The following CNOT6 variants were observed in gnomAD, a reference collection of about 807,000 sequenced individuals.
CNOT6 encodes carbon catabolite repression 4 protein.
In CNOT6, 12 loss-of-function variants were observed where a neutral mutation model predicts 61.2. The observed-to-expected ratio is 0.20, with a 90% CI of 0.13 to 0.32. The LOEUF (loss-of-function observed/expected upper bound fraction) is 0.32. Among genes scored for constraint, CNOT6 ranks in the 10% least tolerant of loss-of-function variants. CNOT6 has a pLI of 1.00. For missense variants in CNOT6, 405 were observed against 663.9 expected (o/e 0.61, Z 4.28); for synonymous variants, 225 against 240.6 (o/e 0.94, Z 0.60).
intron 4 of CNOT6, among the ~76,000 whole-genome samples, chr5:180,560,978 CAA>C (rs920337025): frequency 5.3e-4 from 80 of 152,180 alleles, no homozygotes; most frequent in African/African-American, 1.7e-3. Context: ...ATCAGTCAAT[CAA>C]GAGACGAGGT....
chr5:180,548,125 A>G (rs1759407721), intron 2 of CNOT6, among the ~76,000 whole-genome samples: 1 of 152,168 alleles, frequency 6.6e-6, no homozygotes, highest in East Asian at 1.9e-4. Context: ...TTGAGATACA[A>G]TTCACACACT....
intron 1 of CNOT6, among the ~76,000 whole-genome samples, chr5:180,514,409 G>A (rs72811158): frequency 0.019 from 2,876 of 152,308 alleles, 37 homozygotes; most frequent in Non-Finnish European, 0.027. Context: ...GCGAAAGAGC[G>A]AAACTCCATC....
rs1274517197 is a variant in CNOT6 at position 180,571,396 on chromosome 5, C to T, written c.1425C>T (p.Gly475=). Residue 475 remains glycine (G), a synonymous_variant, in exon 11 of 12, where the codon GGC becomes GGT. Coordinates refer to ENST00000261951, the MANE Select transcript of CNOT6 (RefSeq NM_001370472.1). ...AGTTACAGAGTGCCTATGAGAGTGGCCTGATGCCTTACACGAATTACACAT... is the reference window on the plus strand; with the variant it reads ...AGTTACAGAGTGCCTATGAGAGTGGTCTGATGCCTTACACGAATTACACAT... ...GFKLQSAYES[G]LMPYTNYTFD... 2 of 1,614,072 alleles carry T rather than the reference C, an allele frequency of 1.2e-6. No individual in the cohort carries two copies. Among genetic ancestry groups the T allele is most frequent in the Non-Finnish European group, 1.7e-6 (2 of 1,179,954 alleles).
chr5:180,532,979 A>G (rs62405531), intron 2 of CNOT6, among the ~76,000 whole-genome samples: 38,018 of 152,204 alleles, frequency 0.25, 5,819 homozygotes, highest in Middle Eastern at 0.41. Context: ...GCATTCAGCT[A>G]TCTGGAAGCT....
intron 2 of CNOT6, among the ~76,000 whole-genome samples, chr5:180,530,982 G>GT (rs1195175639): frequency 6.6e-6 from 1 of 152,242 alleles, no homozygotes; most frequent in Non-Finnish European, 1.5e-5. Flanking sequence ...CACAGACACA[G>GT]TAACAATCTG....
intron 1 of CNOT6, among the ~76,000 whole-genome samples, chr5:180,505,457 C>T (rs1757090394): frequency 6.7e-6 from 1 of 150,022 alleles, no homozygotes; most frequent in Non-Finnish European, 1.5e-5. Flanking sequence ...CGGGGTTTCA[C>T]TGTGTAGCCA....
chr5:180,531,418 C>T (rs1016647188), intron 2 of CNOT6, among the ~76,000 whole-genome samples: 5 of 150,036 alleles, frequency 3.3e-5, no homozygotes, highest in African/African-American at 1.2e-4. Flanking sequence ...CCCCGCATCT[C>T]AGACGATGGG....
chr5:180,572,739 A>G (rs1211691461), intron 11 of CNOT6, among the ~76,000 whole-genome samples: 1 of 150,762 alleles, frequency 6.6e-6, no homozygotes, highest in Non-Finnish European at 1.5e-5. Flanking sequence ...AATTTTTTGT[A>G]AAGACAAGGT....
At position 180,577,207 on chromosome 5, in the gene CNOT6, T is replaced by G. The variant is rs1329743559; in HGVS notation, c.*3007T>G. 1 of 117,198 alleles carries G rather than the reference T, an allele frequency of 8.5e-6. No homozygotes were observed. Among genetic ancestry groups the G allele is most frequent in the Non-Finnish European group, 1.9e-5 (1 of 51,700 alleles). 7.3% of individuals were successfully genotyped at this position (117,198 alleles called of 1,614,324 possible). On this transcript the variant is annotated 3_prime_UTR_variant, in exon 12 of 12. Coordinates refer to ENST00000261951, the MANE Select transcript of CNOT6 (RefSeq NM_001370472.1). Reference sequence around the variant, plus strand: ...TGTGTGTGTGTGTGTTTAATATGATTTAGTGACAACCAGGAAAACTTACTT... The same window carrying G: ...TGTGTGTGTGTGTGTTTAATATGATGTAGTGACAACCAGGAAAACTTACTT...
At chr5:180,531,022 C>T (rs538817054) in intron 2 of CNOT6, among the ~76,000 whole-genome samples, 2 of 152,334 alleles carry the variant, frequency 1.3e-5, no homozygotes, top group Admixed American at 6.5e-5. Flanking sequence ...ACATTTCCCC[C>T]TTTTCTATTC....
intron 8 of CNOT6, among the ~76,000 whole-genome samples, 193 bp from the exon 9 acceptor site, chr5:180,567,656 G>A (rs547702742): frequency 6.6e-6 from 1 of 152,292 alleles, no homozygotes; most frequent in East Asian, 1.9e-4. Flanking sequence ...GTTGTTATTT[G>A]TATCAATAAC....
At chr5:180,570,216 G>T (rs1446856912) in intron 10 of CNOT6, among the ~76,000 whole-genome samples, 8 of 152,136 alleles carry the variant, frequency 5.3e-5, no homozygotes, top group African/African-American at 1.9e-4. Context: ...AAATTAGCCA[G>T]GCGTGGTGGT....
rs1389183715 is a variant in CNOT6 at position 180,577,009 on chromosome 5, A to G, written c.*2809A>G. Reference sequence around the variant, plus strand: ...CCTTGTCGCCAATCTCCTGAAGTACAGCTTTACCATATTAGTGGTCATTAT... The same window carrying G: ...CCTTGTCGCCAATCTCCTGAAGTACGGCTTTACCATATTAGTGGTCATTAT... On this transcript the variant is annotated 3_prime_UTR_variant, in exon 12 of 12. Coordinates refer to ENST00000261951, the MANE Select transcript of CNOT6 (RefSeq NM_001370472.1). 6 of 152,616 alleles carry G rather than the reference A, an allele frequency of 3.9e-5. No homozygotes were observed. The highest frequency in any genetic ancestry group is 3.9e-4 in the Admixed American group (6 of 15,268). The allele number at this position is 152,616 out of a possible 1,614,324, so 9.5% of individuals were successfully genotyped here.
chr5:180,550,180 C>T lies in CNOT6; in HGVS notation c.299+63C>T, dbSNP rs964903388. ...CCCCTAAAACAAAATATAGGCCGGGCGCAGTGGCTTATGCCTGTAATTCTA... is the reference window on the plus strand; with the variant it reads ...CCCCTAAAACAAAATATAGGCCGGGTGCAGTGGCTTATGCCTGTAATTCTA... On this transcript the variant is annotated intron_variant, in intron 3 of 11. Transcript: ENST00000261951. 9.3e-5 allele frequency: 123 copies of T among 1,327,518 alleles called. 5 individuals are homozygous for T. Among genetic ancestry groups the T allele is most frequent in the African/African-American group, 4.3e-5 (3 of 69,336 alleles). The allele number at this position is 1,327,518 out of a possible 1,614,324, so 82.2% of individuals were successfully genotyped here.
chr5:180,517,461 A>G (rs1757688193), intron 1 of CNOT6, among the ~76,000 whole-genome samples: 2 of 151,600 alleles, frequency 1.3e-5, no homozygotes, highest in Non-Finnish European at 2.9e-5. Flanking sequence ...GTCGAATGGG[A>G]ATTATAAAAT....
At chr5:180,541,396 C>T (rs929029801) in intron 2 of CNOT6, among the ~76,000 whole-genome samples, 121 of 147,546 alleles carry the variant, frequency 8.2e-4, no homozygotes, top group Non-Finnish European at 1.1e-3. Flanking sequence ...CACGGCCTCC[C>T]GAAGTGCTGG....
chr5:180,553,615 T>G lies in CNOT6; in HGVS notation c.385+144T>G, dbSNP rs897724590. The G allele has an allele frequency of 4.8e-6, 3 of 626,568 alleles. No homozygotes were observed. In the African/African-American group the frequency reaches 5.5e-5, roughly 12 times the overall value. The allele number at this position is 626,568 out of a possible 1,614,324, so 38.8% of individuals were successfully genotyped here. On this transcript the variant is annotated intron_variant, in intron 4 of 11. Coordinates refer to ENST00000261951, the MANE Select transcript of CNOT6 (RefSeq NM_001370472.1). Reference sequence around the variant, plus strand: ...AGTTTCTTAGCTATATCGCAATGGTTTTATCTTCTCTGTTCAGCTGTAGAC... The same window carrying G: ...AGTTTCTTAGCTATATCGCAATGGTGTTATCTTCTCTGTTCAGCTGTAGAC...
At chr5:180,542,971 A>G (rs1047099487) in intron 2 of CNOT6, among the ~76,000 whole-genome samples, 15 of 152,172 alleles carry the variant, frequency 9.9e-5, no homozygotes, top group South Asian at 2.1e-4. Context: ...GCGTAGTTCA[A>G]TGGTAGAGAT....
chr5:180,508,231 GTCA>G (rs1757219927), intron 1 of CNOT6, among the ~76,000 whole-genome samples: 1 of 152,162 alleles, frequency 6.6e-6, no homozygotes, highest in East Asian at 1.9e-4. Flanking sequence ...GTAAGGAAGG[GTCA>G]AGGATATGCT....
Sources: gnomAD v4.1 joint callset for allele counts (sites outside exome capture counted in the v4.1 genomes callset) on GRCh38, gnomAD v4.1.1 for gene constraint, MANE v1.5 for transcripts, NCBI Gene and HGNC (gene_info 2026-07-23, HGNC 2026-07-21) for gene names.